RFX4: variants seen among roughly 807,000 people sequenced by gnomAD.
RFX4 encodes regulatory factor X4, also known as transcription factor RFX4.
A neutral mutation model predicts 95.0 loss-of-function variants in RFX4; 10 were observed. The observed-to-expected ratio is 0.11, with a 90% confidence interval of 0.06 to 0.18. The LOEUF (loss-of-function observed/expected upper bound fraction) is 0.18. RFX4 is among the 10% of genes least tolerant of loss of function. The pLI, the probability that RFX4 is intolerant of heterozygous loss-of-function variation, is 1.00. For synonymous variants in RFX4, 321 were observed against 340.7 expected (o/e 0.94, Z 0.64); for missense variants, 640 against 922.0 (o/e 0.69, Z 3.96).
intron 4 of RFX4, among the ~76,000 whole-genome samples, chr12:106,679,021 T>C (rs904491301): frequency 3.3e-5 from 5 of 152,270 alleles, no homozygotes; most frequent in Admixed American, 1.3e-4. Flanking sequence ...TATGGCTTCC[T>C]ATGTATTTTA....
At chr12:106,599,753 A>G (rs1191725072) in intron 1 of RFX4, among the ~76,000 whole-genome samples, 1 of 152,134 alleles carries the variant, frequency 6.6e-6, no homozygotes, top group Non-Finnish European at 1.5e-5. Flanking sequence ...TCTCTAAGAC[A>G]TAATGAGCCT....
chr12:106,705,289 C>T (rs1045905458), intron 8 of RFX4, among the ~76,000 whole-genome samples: 2 of 152,210 alleles, frequency 1.3e-5, no homozygotes, highest in African/African-American at 4.8e-5. Context: ...TGCTGATGGG[C>T]ATTCAGGGAG....
At chr12:106,623,303 A>G (rs1039681971) in intron 2 of RFX4, among the ~76,000 whole-genome samples, 3 of 152,094 alleles carry the variant, frequency 2.0e-5, no homozygotes, top group Non-Finnish European at 4.4e-5. Context: ...GATTACAGGC[A>G]TGAGCCACTG....
chr12:106,750,518 TG>T, intron 16 of RFX4, 136 bp from the exon 17 acceptor site: 2 of 786,866 alleles, frequency 2.5e-6, no homozygotes, highest in Non-Finnish European at 3.6e-6. Flanking sequence ...AAAATGGGAT[TG>T]GGGGTGAAGG....
intron 2 of RFX4, among the ~76,000 whole-genome samples, chr12:106,611,512 A>C (rs1263932820): frequency 7.0e-6 from 1 of 142,158 alleles, no homozygotes; most frequent in Non-Finnish European, 1.5e-5. Context: ...GTCCAGCTTT[A>C]TTCTTTTTTT....
At chr12:106,672,763 TAAA>T (rs58826004) in intron 4 of RFX4, among the ~76,000 whole-genome samples, 1 of 130,896 alleles carries the variant, frequency 7.6e-6, no homozygotes, top group African/African-American at 2.8e-5. Flanking sequence ...AAGAAACACT[TAAA>T]AAAAAAAAAA....
chr12:106,669,530 A>G (rs765055694), intron 4 of RFX4, among the ~76,000 whole-genome samples: 30 of 152,096 alleles, frequency 2.0e-4, no homozygotes, highest in Non-Finnish European at 3.8e-4. Flanking sequence ...TGGAGAGAAC[A>G]GAGACTTCCT....
chr12:106,675,089 A>G (rs954696149), intron 4 of RFX4, among the ~76,000 whole-genome samples: 11 of 152,218 alleles, frequency 7.2e-5, no homozygotes, highest in African/African-American at 2.7e-4. Flanking sequence ...AACAAGTTCA[A>G]GAGATCTATT....
intron 17 of RFX4, among the ~76,000 whole-genome samples, chr12:106,757,607 G>A (rs2043133431): frequency 6.6e-6 from 1 of 151,810 alleles, no homozygotes; most frequent in Non-Finnish European, 1.5e-5. Flanking sequence ...TTTTTTGGGA[G>A]CTACATCCTT....
chr12:106,728,725 C>G (rs534460956), intron 13 of RFX4, among the ~76,000 whole-genome samples: 5 of 152,260 alleles, frequency 3.3e-5, no homozygotes, highest in South Asian at 4.1e-4. Context: ...TATTCACTAT[C>G]CTCATCGCTG....
chr12:106,587,652 G>A (rs984715513), intron 1 of RFX4, among the ~76,000 whole-genome samples: 4 of 152,170 alleles, frequency 2.6e-5, no homozygotes, highest in African/African-American at 9.7e-5. Flanking sequence ...CCGTCCGGAG[G>A]TTAGGCGCCA....
intron 1 of RFX4, among the ~76,000 whole-genome samples, chr12:106,599,503 G>C (rs2039669166): frequency 6.6e-6 from 1 of 151,932 alleles, no homozygotes; most frequent in Non-Finnish European, 1.5e-5. Flanking sequence ...TGATGATGAT[G>C]ATGATGAAGG....
intron 3 of RFX4, among the ~76,000 whole-genome samples, chr12:106,644,584 A>C (rs935578823): frequency 6.6e-6 from 1 of 152,116 alleles, no homozygotes; most frequent in Non-Finnish European, 1.5e-5. Flanking sequence ...CATCTTTGCC[A>C]TTACAAGTAG....
intron 1 of RFX4, among the ~76,000 whole-genome samples, chr12:106,603,982 G>A (rs2137190314): frequency 6.6e-6 from 1 of 152,258 alleles, no homozygotes; most frequent in East Asian, 1.9e-4. Flanking sequence ...GCCACTGGGT[G>A]TGAGATGATG....
At chr12:106,621,295 G>T (rs577566806) in intron 2 of RFX4, among the ~76,000 whole-genome samples, 2 of 152,264 alleles carry the variant, frequency 1.3e-5, no homozygotes, top group African/African-American at 4.8e-5. Context: ...TCTGTTCGGG[G>T]TCCCTGACTT....
chr12:106,696,261 TTC>T lies in RFX4; in HGVS notation c.670-16_670-15del, dbSNP rs1565983860. On this transcript the variant is annotated intron_variant, in intron 7 of 17. Coordinates refer to ENST00000392842, the MANE Select transcript of RFX4 (RefSeq NM_213594.3). ...AGGGCCCTGGGTAACCTCATGATTCTTCTCTCTGTGGGTCAATACAGGTTCAA... is the reference window on the plus strand; with the variant it reads ...AGGGCCCTGGGTAACCTCATGATTCTTCTCTGTGGGTCAATACAGGTTCAA... 1 of 1,613,698 alleles carries T rather than the reference TTC, an allele frequency of 6.2e-7. No homozygotes were observed. The highest frequency in any genetic ancestry group is 8.5e-7 in the Non-Finnish European group (1 of 1,179,710).
intron 4 of RFX4, among the ~76,000 whole-genome samples, chr12:106,674,276 A>G (rs181620817): frequency 1.3e-5 from 2 of 151,912 alleles, no homozygotes; most frequent in Admixed American, 1.3e-4. Flanking sequence ...CGGATGCCAC[A>G]TCATCACAGA....
At chr12:106,719,892 CTTTT>C (rs2042363860) in intron 11 of RFX4, 64 bp from the exon 12 acceptor site, 5 of 1,257,464 alleles carry the variant, frequency 4.0e-6, no homozygotes, top group Non-Finnish European at 5.8e-6. Context: ...TTCCTCTGTT[CTTTT>C]AAGACGTAGC....
chr12:106,720,117 A>G lies in RFX4; in HGVS notation c.1233+63A>G. On this transcript the variant is annotated intron_variant, in intron 12 of 17. Transcript: ENST00000392842. The surrounding 1 kb of genome is among the most constrained non-coding windows in gnomAD (Gnocchi z 4.2). The stretch of plus-strand genomic sequence containing the variant: ...TGCAGCCCACCACTGCCCTCTGTGA[A>G]CTTGGCCAAGACAAAGCCCTATGGT... The G allele has an allele frequency of 1.4e-6, 2 of 1,404,670 alleles. No individual in the cohort carries two copies. The highest frequency in any genetic ancestry group is 2.0e-6 in the Non-Finnish European group (2 of 991,030). The allele number at this position is 1,404,670 out of a possible 1,614,324, so 87.0% of individuals were successfully genotyped here.
Sources: gnomAD v4.1 joint callset for allele counts (sites outside exome capture counted in the v4.1 genomes callset) on GRCh38, gnomAD v4.1.1 for gene constraint, Gnocchi (gnomAD v3.1) non-coding constraint, MANE v1.5 for transcripts, NCBI Gene and HGNC (gene_info 2026-07-23, HGNC 2026-07-21) for gene names.